The following AP2B1 variants were observed in gnomAD, a reference collection of about 807,000 sequenced individuals.
AP2B1 encodes the protein adaptor related protein complex 2 subunit beta 1.
AP2B1 carries 23 observed loss-of-function variants against 102.0 expected under a neutral mutation model. That is an observed-to-expected ratio of 0.23 (90% CI 0.16 to 0.32). The LOEUF (loss-of-function observed/expected upper bound fraction) is 0.32. Among genes scored for constraint, AP2B1 ranks in the 10% least tolerant of loss-of-function variants. The probability of loss-of-function intolerance (pLI) is 1.00; values close to 1 mark genes in which losing one functional copy is unlikely to be tolerated. For missense variants in AP2B1, 541 were observed against 1,157.4 expected, an observed-to-expected ratio of 0.47 and a Z score of 7.73; for synonymous variants, 381 against 421.2, an observed-to-expected ratio of 0.90 and a Z score of 1.17.
intron 18 of AP2B1, among the ~76,000 whole-genome samples, chr17:35,694,595 G>A (rs909816654): frequency 4.6e-5 from 7 of 152,074 alleles, no homozygotes; most frequent in African/African-American, 1.7e-4. Context: ...GTAAACCCAG[G>A]CTGAGCGCCA....
At chr17:35,690,138 T>C (rs1296662068) in intron 18 of AP2B1, among the ~76,000 whole-genome samples, 1 of 152,212 alleles carries the variant, frequency 6.6e-6, no homozygotes. Flanking sequence ...ATTTAATCTT[T>C]TTTTCTCTCC....
chr17:35,627,977 A>G (rs201394432), intron 9 of AP2B1, among the ~76,000 whole-genome samples: 1 of 152,192 alleles, frequency 6.6e-6, no homozygotes, highest in African/African-American at 2.4e-5. Flanking sequence ...CTCCATATCC[A>G]TGAGTTCCAC....
Position 35,671,119 on chromosome 17 carries a change from G to A in AP2B1, c.2031+221G>A, listed in dbSNP as rs79686359. Among the ~76,000 whole-genome samples the A allele has an allele frequency of 1.7e-3, 263 of 152,222 alleles. 6 individuals are homozygous for A. The East Asian group carries it at 0.039, about 23-fold the overall frequency. Reference sequence around the variant, plus strand: ...CATCTTTAAGGTTTAATGTTCCAGTGCCTATAGAGATCTTTGTCTTTCTGA... The same window carrying A: ...CATCTTTAAGGTTTAATGTTCCAGTACCTATAGAGATCTTTGTCTTTCTGA... On this transcript the variant is annotated intron_variant, in intron 15 of 21. Coordinates refer to ENST00000610402, the MANE Select transcript of AP2B1 (RefSeq NM_001030006.2).
chr17:35,621,038 G>A (rs1220497980), intron 5 of AP2B1, among the ~76,000 whole-genome samples: 2 of 152,186 alleles, frequency 1.3e-5, no homozygotes, highest in South Asian at 4.1e-4. Flanking sequence ...GGCAGTTATT[G>A]TAAGGGTTGG....
intron 18 of AP2B1, among the ~76,000 whole-genome samples, chr17:35,695,641 A>G (rs766002209): frequency 1.3e-5 from 2 of 152,080 alleles, no homozygotes; most frequent in Non-Finnish European, 2.9e-5. Flanking sequence ...ATTCTGACCA[A>G]TCTTTTTTAT....
chr17:35,601,801 G>A (rs991659929), intron 3 of AP2B1, among the ~76,000 whole-genome samples: 2 of 145,954 alleles, frequency 1.4e-5, no homozygotes, highest in East Asian at 2.0e-4. Flanking sequence ...TTTTGAGACC[G>A]AGTTTTGCTC....
chr17:35,627,781 C>T, intron 9 of AP2B1, 55 bp downstream of exon 9: 2 of 1,402,412 alleles, frequency 1.4e-6, no homozygotes, highest in Non-Finnish European at 2.0e-6. Flanking sequence ...GAGTTCTCTT[C>T]ACTTTTTTCT....
intron 5 of AP2B1, among the ~76,000 whole-genome samples, chr17:35,612,291 C>A: frequency 6.6e-6 from 1 of 152,130 alleles, no homozygotes; most frequent in Non-Finnish European, 1.5e-5. Context: ...CAGAGTGCCT[C>A]CTTAGTTTTG....
chr17:35,611,663 A>G (rs138909755), intron 5 of AP2B1, among the ~76,000 whole-genome samples: 2 of 152,324 alleles, frequency 1.3e-5, no homozygotes, highest in East Asian at 1.9e-4. Flanking sequence ...TACGTATGCT[A>G]TTTATGTATT....
chr17:35,594,492 T>G (rs768272456), intron 2 of AP2B1, among the ~76,000 whole-genome samples: 1 of 152,254 alleles, frequency 6.6e-6, no homozygotes, highest in African/African-American at 2.4e-5. Context: ...TCCCTTCCTG[T>G]TCCTATTCCC....
chr17:35,674,350 T>C, intron 17 of AP2B1, 29 bp downstream of exon 17: 1 of 1,612,492 alleles, frequency 6.2e-7, no homozygotes, highest in South Asian at 1.1e-5. Flanking sequence ...TAGCTTGATG[T>C]TGAGACAACA....
intron 13 of AP2B1, among the ~76,000 whole-genome samples, chr17:35,655,582 A>G (rs1182994480): frequency 6.6e-6 from 1 of 152,114 alleles, no homozygotes; most frequent in Non-Finnish European, 1.5e-5. Flanking sequence ...GGTTATTTCT[A>G]GTTTGTGGCT....
intron 5 of AP2B1, among the ~76,000 whole-genome samples, chr17:35,611,413 A>G (rs1336761572): frequency 6.6e-6 from 1 of 152,188 alleles, no homozygotes; most frequent in Non-Finnish European, 1.5e-5. Context: ...TGCAGAACCT[A>G]TACAGTTAGA....
At chr17:35,662,285 T>A (rs2075373196) in intron 14 of AP2B1, among the ~76,000 whole-genome samples, 1 of 151,976 alleles carries the variant, frequency 6.6e-6, no homozygotes, top group South Asian at 2.1e-4. Context: ...CTTATTTTTT[T>A]ATCGCATTTC....
In AP2B1 at chr17:35,627,744, G is replaced by A. The variant is rs761746420; in HGVS notation, c.1155+18G>A. On this transcript the variant is annotated intron_variant, in intron 9 of 21. Transcript: ENST00000610402. ...AGGTGGAGGCAAGTGTCTGATGGTA[G>A]TTAGGATCATGTATTGGGGATTCTG... 5 of 1,604,918 alleles carry A rather than the reference G, an allele frequency of 3.1e-6. No individual in the cohort carries two copies. The South Asian group carries it at 5.5e-5, about 18-fold the overall frequency.
At chr17:35,701,589 A>G (rs2076239931) in intron 18 of AP2B1, among the ~76,000 whole-genome samples, 1 of 152,122 alleles carries the variant, frequency 6.6e-6, no homozygotes, top group Non-Finnish European at 1.5e-5. Context: ...TGTGAGAAGT[A>G]CTGTGCTTTT....
chr17:35,697,360 T>TA (rs1303754294), intron 18 of AP2B1, among the ~76,000 whole-genome samples: 6 of 152,262 alleles, frequency 3.9e-5, no homozygotes, highest in Admixed American at 6.5e-5. Flanking sequence ...GTTGCTAACT[T>TA]ACGTCTGTAT....
In AP2B1 at chr17:35,701,615, G is replaced by A. The variant is rs587618186; in HGVS notation, c.2455-7609G>A. Reference sequence around the variant, plus strand: ...CTGTGCTTTTGGGACTTGTTTGTTCGTTTGTGAGACAGGATCTCACTCTGT... The same window carrying A: ...CTGTGCTTTTGGGACTTGTTTGTTCATTTGTGAGACAGGATCTCACTCTGT... On this transcript the variant is annotated intron_variant, in intron 18 of 21. Coordinates refer to ENST00000610402, the MANE Select transcript of AP2B1 (RefSeq NM_001030006.2). 9.9e-5 allele frequency among the ~76,000 whole-genome samples: 15 copies of A among 152,140 alleles called. No homozygotes were observed. In the South Asian group the frequency reaches 1.0e-3, roughly 11 times the overall value.
At chr17:35,669,745 A>G (rs9906872) in intron 14 of AP2B1, among the ~76,000 whole-genome samples, 19,329 of 152,264 alleles carry the variant, frequency 0.13, 1,281 homozygotes, top group Middle Eastern at 0.16. Context: ...CTCTTTCCCC[A>G]ATCTTAAAGA....
Sources: gnomAD v4.1 joint callset for allele counts (sites outside exome capture counted in the v4.1 genomes callset) on GRCh38, gnomAD v4.1.1 for gene constraint, MANE v1.5 for transcripts, NCBI Gene and HGNC (gene_info 2026-07-23, HGNC 2026-07-21) for gene names.